CADM2: variants seen among roughly 807,000 people sequenced by gnomAD.
CADM2 encodes cell adhesion molecule 2.
In CADM2, 12 loss-of-function variants were observed where a neutral mutation model predicts 49.8. The observed-to-expected ratio is 0.24, with a 90% confidence interval of 0.15 to 0.39. The LOEUF (loss-of-function observed/expected upper bound fraction) is 0.39. Ranked by LOEUF, CADM2 falls within the 10% of genes least tolerant of loss-of-function variation. The pLI, the probability that CADM2 is intolerant of heterozygous loss-of-function variation, is 1.00. For synonymous variants in CADM2, 214 were observed against 175.4 expected (o/e 1.22, Z -1.74); for missense variants, 378 against 492.3 (o/e 0.77, Z 2.20).
intron 1 of CADM2, among the ~76,000 whole-genome samples, chr3:85,261,351 G>T (rs2043011052): frequency 6.6e-6 from 1 of 152,024 alleles, no homozygotes; most frequent in Non-Finnish European, 1.5e-5. Context: ...GGCCAGGCCG[G>T]TCTTGAACTC....
intron 1 of CADM2, among the ~76,000 whole-genome samples, chr3:85,512,386 GT>G (rs2040659674): frequency 6.6e-6 from 1 of 152,048 alleles, no homozygotes; most frequent in South Asian, 2.1e-4. Context: ...CGTGGTGTAT[GT>G]GCACCAGATT....
At chr3:85,670,180 AGTGT>A (rs1189618961) in intron 1 of CADM2, among the ~76,000 whole-genome samples, 1 of 152,188 alleles carries the variant, frequency 6.6e-6, no homozygotes, top group East Asian at 1.9e-4. Flanking sequence ...CTCGGTAAAT[AGTGT>A]ACAATAAATG....
chr3:85,508,375 T>A (rs548462923), intron 1 of CADM2, among the ~76,000 whole-genome samples: 1 of 152,312 alleles, frequency 6.6e-6, no homozygotes, highest in South Asian at 2.1e-4. Flanking sequence ...CTAAATAATG[T>A]GTATTCTGTG....
intron 1 of CADM2, among the ~76,000 whole-genome samples, chr3:84,964,051 A>G (rs568822541): frequency 1.3e-5 from 2 of 152,206 alleles, no homozygotes; most frequent in Non-Finnish European, 2.9e-5. Context: ...AAGATGTGGA[A>G]GCTTACTTCA....
At chr3:85,978,752 T>G (rs1727104477) in intron 8 of CADM2, among the ~76,000 whole-genome samples, 1 of 151,728 alleles carries the variant, frequency 6.6e-6, no homozygotes. Context: ...GTTAACATTT[T>G]GTTAATCTTA....
intron 2 of CADM2, among the ~76,000 whole-genome samples, chr3:85,742,813 T>C (rs2068449635): frequency 6.6e-6 from 1 of 152,182 alleles, no homozygotes; most frequent in Non-Finnish European, 1.5e-5. Flanking sequence ...AAATAAAACT[T>C]TCCAGTGGAG....
chr3:86,062,990 G>A (rs1236580857), intron 8 of CADM2, among the ~76,000 whole-genome samples: 1 of 152,098 alleles, frequency 6.6e-6, no homozygotes, highest in Non-Finnish European at 1.5e-5. Flanking sequence ...AACTGTAACA[G>A]AGACTGGAAA....
chr3:85,521,869 A>G (rs746529070), intron 1 of CADM2, among the ~76,000 whole-genome samples: 1 of 152,126 alleles, frequency 6.6e-6, no homozygotes, highest in East Asian at 1.9e-4. Flanking sequence ...CAGTAGCTGA[A>G]AATGAATGCT....
At chr3:85,098,876 AACTGT>A (rs2037906022) in intron 1 of CADM2, among the ~76,000 whole-genome samples, 2 of 152,216 alleles carry the variant, frequency 1.3e-5, no homozygotes, top group Admixed American at 1.3e-4. Context: ...TTCATGGATC[AACTGT>A]AATTTTGAAA....
At chr3:85,870,181 A>T (rs1326899816) in intron 3 of CADM2, among the ~76,000 whole-genome samples, 18 of 152,116 alleles carry the variant, frequency 1.2e-4, no homozygotes, top group Admixed American at 1.0e-3. Context: ...TTGAATAGGT[A>T]GATGCATAGA....
At chr3:85,773,552 T>G (rs1277873089) in intron 2 of CADM2, among the ~76,000 whole-genome samples, 6 of 152,062 alleles carry the variant, frequency 3.9e-5, no homozygotes, top group Non-Finnish European at 8.8e-5. Context: ...TTTTTAAACT[T>G]TGTCAAATAA....
chr3:85,782,972 A>G (rs1242366941), intron 2 of CADM2, among the ~76,000 whole-genome samples: 1 of 152,186 alleles, frequency 6.6e-6, no homozygotes, highest in Non-Finnish European at 1.5e-5. Context: ...TTCAGTAAAC[A>G]GTGCAAAACT....
intron 2 of CADM2, among the ~76,000 whole-genome samples, chr3:85,785,996 A>G (rs2108012394): frequency 6.6e-6 from 1 of 152,206 alleles, no homozygotes; most frequent in South Asian, 2.1e-4. Context: ...GAAACTGCTC[A>G]GGAGTTCCGG....
intron 1 of CADM2, among the ~76,000 whole-genome samples, chr3:85,519,835 A>G (rs1291864636): frequency 6.6e-6 from 1 of 152,072 alleles, no homozygotes; most frequent in Non-Finnish European, 1.5e-5. Flanking sequence ...TAAATATATG[A>G]ATACAAGTTA....
intron 1 of CADM2, among the ~76,000 whole-genome samples, chr3:85,679,580 C>A (rs2065982644): frequency 6.6e-6 from 1 of 152,054 alleles, no homozygotes; most frequent in African/African-American, 2.4e-5. Context: ...CCTAAGAATC[C>A]AATTTCTAGA....
rs115443402 is a variant in CADM2, at chr3:85,824,992, C to T, written c.238+22796C>T. Among the ~76,000 whole-genome samples the T allele has an allele frequency of 3.7e-3, 560 of 151,478 alleles. 2 individuals carry two copies. The highest frequency in any genetic ancestry group is 0.013 in the African/African-American group (537 of 41,262). ...ATGCCCAAAATGGAATGAAGGACTT[C>T]GGGTGGAGGAGATAAATGTGAGGAG... is the stretch of plus-strand genomic sequence containing the variant. On this transcript the variant is annotated intron_variant, in intron 3 of 9. Transcript: ENST00000383699.
chr3:85,081,515 C>T (rs775796234), intron 1 of CADM2, among the ~76,000 whole-genome samples: 13 of 152,282 alleles, frequency 8.5e-5, no homozygotes, highest in Middle Eastern at 3.4e-3. Context: ...AAATAATACA[C>T]GACTTTTTCT....
intron 1 of CADM2, among the ~76,000 whole-genome samples, chr3:85,216,308 A>C (rs1453307100): frequency 1.4e-5 from 2 of 147,348 alleles, no homozygotes; most frequent in African/African-American, 2.5e-5. Flanking sequence ...ATTTATATAT[A>C]TTTAACATAT....
chr3:85,652,772 CTTTTTTTTTT>C (rs34756757), intron 1 of CADM2, among the ~76,000 whole-genome samples: 12 of 50,784 alleles, frequency 2.4e-4, no homozygotes, highest in East Asian at 5.9e-4. Flanking sequence ...TTTTTCTTTT[CTTTTTTTTTT>C]TTTTTTTTTT....
Sources: gnomAD v4.1 joint callset for allele counts (sites outside exome capture counted in the v4.1 genomes callset) on GRCh38, gnomAD v4.1.1 for gene constraint, MANE v1.5 for transcripts, NCBI Gene and HGNC (gene_info 2026-07-23, HGNC 2026-07-21) for gene names.